The following KIF5B variants were observed in gnomAD, a reference collection of about 807,000 sequenced individuals.
The protein encoded by KIF5B is kinesin-1 heavy chain.
A neutral mutation model predicts 132.8 loss-of-function variants in KIF5B; 49 were observed. That is an observed-to-expected ratio of 0.37 (90% CI 0.29 to 0.47). The LOEUF (loss-of-function observed/expected upper bound fraction) is 0.47, where lower values mean the gene tolerates loss of function less well. KIF5B is among the 20% of genes least tolerant of loss of function. The pLI, the probability that KIF5B is intolerant of heterozygous loss-of-function variation, is 1.00. For synonymous variants in KIF5B, 355 were observed against 369.4 expected, an observed-to-expected ratio of 0.96 and a Z score of 0.45; for missense variants, 780 against 1,144.0, an observed-to-expected ratio of 0.68 and a Z score of 4.59.
At chr10:32,042,551 C>CA (rs980142812) in intron 2 of KIF5B, among the ~76,000 whole-genome samples, 1 of 152,204 alleles carries the variant, frequency 6.6e-6, no homozygotes, top group Non-Finnish European at 1.5e-5. Flanking sequence ...CCTGTCAACT[C>CA]AAAGTCAGGA....
chr10:32,011,532 A>G lies in KIF5B; in HGVS notation c.*21-16T>C, dbSNP rs974174693. ...TTTTTAACACCTAAAAATGGGAGAA[A>G]GCATAGAGTAAATATGTTTAGTTTT... On this transcript the variant is annotated splice_polypyrimidine_tract_variant and intron_variant, in intron 25 of 25. Transcript: ENST00000302418. The G allele has an allele frequency of 6.6e-6, 1 of 152,366 alleles. No homozygotes were observed. The highest frequency in any genetic ancestry group is 2.4e-5 in the African/African-American group (1 of 41,578). 9.4% of individuals were successfully genotyped at this position (152,366 alleles called of 1,614,324 possible).
intron 25 of KIF5B, among the ~76,000 whole-genome samples, chr10:32,013,297 A>C (rs1001579151): frequency 2.0e-5 from 3 of 152,234 alleles, no homozygotes; most frequent in African/African-American, 7.2e-5. Flanking sequence ...TTATCATGAA[A>C]ACCAGCTATT....
chr10:32,035,037 T>A (rs11008741), intron 10 of KIF5B, among the ~76,000 whole-genome samples, 199 bp from the exon 11 acceptor site: 373 of 144,094 alleles, frequency 2.6e-3, no homozygotes, highest in African/African-American at 8.9e-3. Flanking sequence ...TGAATAGCTT[T>A]AAAAAAAAAA....
At chr10:32,035,777 T>A (rs1202805406) in intron 9 of KIF5B, 110 bp from the exon 10 acceptor site, 8 of 1,327,788 alleles carry the variant, frequency 6.0e-6, no homozygotes, top group Non-Finnish European at 8.3e-6. Flanking sequence ...ACACATTGAA[T>A]CTCAATCTCT....
At chr10:32,036,131 C>T (rs913141518) in intron 8 of KIF5B, 137 bp from the exon 9 acceptor site, 1 of 515,746 alleles carries the variant, frequency 1.9e-6, no homozygotes, top group South Asian at 3.6e-5. Flanking sequence ...TCTTATTTGC[C>T]AAGCATACCA....
intron 16 of KIF5B, among the ~76,000 whole-genome samples, chr10:32,022,588 C>G (rs1044696487): frequency 6.6e-6 from 1 of 152,190 alleles, no homozygotes; most frequent in Admixed American, 6.5e-5. Flanking sequence ...TGGTTCCCTG[C>G]AGTTTTGCCC....
chr10:32,050,347 A>G (rs975437467), intron 1 of KIF5B, among the ~76,000 whole-genome samples: 23 of 152,306 alleles, frequency 1.5e-4, no homozygotes, highest in Admixed American at 8.5e-4. Context: ...TAGTCACATG[A>G]CCAAGCTCTG....
chr10:32,022,202 T>G lies in KIF5B; in HGVS notation c.1970A>C (p.Lys657Thr). ...ATCGACAGATTCCTCCAACTGTCTT[T>G]TCTTTTGTTCCACATTTTGAAGGTA... is the stretch of plus-strand genomic sequence containing the variant. ...TEYLQNVEQK[K>T]RQLEESVDAL... The change falls in exon 17 of 26, where the codon AAA (lysine) becomes ACA (threonine). Residue 657 changes from lysine to threonine, a missense_variant. Transcript: ENST00000302418. 6.2e-7 allele frequency: 1 copy of G among 1,613,784 alleles called. No individual in the cohort carries two copies. The highest frequency in any genetic ancestry group is 8.5e-7 in the Non-Finnish European group (1 of 1,179,870).
At chr10:32,017,774 A>G (rs879931272) in intron 23 of KIF5B, among the ~76,000 whole-genome samples, 8 of 152,222 alleles carry the variant, frequency 5.3e-5, no homozygotes, top group Non-Finnish European at 1.2e-4. Flanking sequence ...TGTAGTAGAG[A>G]TTTCAAAATT....
At chr10:32,014,612 A>T (rs936458690) in intron 25 of KIF5B, among the ~76,000 whole-genome samples, 1 of 152,022 alleles carries the variant, frequency 6.6e-6, no homozygotes, top group African/African-American at 2.4e-5. Flanking sequence ...CTAATTTGTG[A>T]CTGTTTTATG....
chr10:32,037,634 T>C (rs1485072100), intron 6 of KIF5B, 27 bp from the exon 7 acceptor site: 1 of 1,517,360 alleles, frequency 6.6e-7, no homozygotes, highest in African/African-American at 1.4e-5. Flanking sequence ...AAAAATATGT[T>C]AATGTCTGGC....
chr10:32,022,363 T>G (rs1401915996), intron 16 of KIF5B, 106 bp from the exon 17 acceptor site: 2 of 626,154 alleles, frequency 3.2e-6, no homozygotes, highest in Non-Finnish European at 5.6e-6. Flanking sequence ...TTTGGGAATA[T>G]TTAAAACTAA....
At chr10:32,037,838 G>C (rs966866947) in intron 6 of KIF5B, among the ~76,000 whole-genome samples, 2 of 151,668 alleles carry the variant, frequency 1.3e-5, no homozygotes, top group Admixed American at 1.3e-4. Context: ...TATATTAAAT[G>C]AATTGGCTCA....
At chr10:32,049,753 G>A (rs1841664308) in intron 1 of KIF5B, among the ~76,000 whole-genome samples, 1 of 151,948 alleles carries the variant, frequency 6.6e-6, no homozygotes, top group Non-Finnish European at 1.5e-5. Context: ...AATCAGTGGT[G>A]TCCATGCAAG....
chr10:32,040,278 CA>C, intron 3 of KIF5B, 105 bp downstream of exon 3: 1 of 739,258 alleles, frequency 1.4e-6, no homozygotes, highest in Non-Finnish European at 2.4e-6. Flanking sequence ...TGAGAAAAGG[CA>C]ATAAAGAGTA....
In KIF5B at chr10:32,021,141, T is replaced by TG. The variant is rs750960739; in HGVS notation, c.2095-11dup. The TG allele has an allele frequency of 2.0e-5, 32 of 1,611,430 alleles. No homozygotes were observed. The Middle Eastern group carries it at 5.0e-4, about 25-fold the overall frequency. The stretch of plus-strand genomic sequence containing the variant: ...GCTGTTCAACAGCTTGCTAAAATTT[T>TG]GGGGGGGAAAAGGATGTTAAAGTCA... On this transcript the variant is annotated splice_polypyrimidine_tract_variant and intron_variant, in intron 18 of 25. Coordinates refer to ENST00000302418, the MANE Select transcript of KIF5B (RefSeq NM_004521.3).
intron 1 of KIF5B, among the ~76,000 whole-genome samples, chr10:32,055,565 G>A (rs973153816): frequency 1.3e-5 from 2 of 151,934 alleles, no homozygotes; most frequent in Admixed American, 6.6e-5. Context: ...CACTGAACTT[G>A]CTGCCCGGAC....
intron 15 of KIF5B, 114 bp from the exon 16 acceptor site, chr10:32,023,150 T>C (rs1592441233): frequency 2.0e-6 from 1 of 496,892 alleles, no homozygotes; most frequent in Non-Finnish European, 3.3e-6. Context: ...TCAATATTCA[T>C]ACAAAGTCTG....
Position 32,031,064 on chromosome 10 carries a change from A to G in KIF5B, c.1581+9T>C. 6.3e-7 allele frequency: 1 copy of G among 1,593,518 alleles called. No individual in the cohort carries two copies. Among genetic ancestry groups the G allele is most frequent in the Non-Finnish European group, 8.6e-7 (1 of 1,163,090 alleles). ...AAGCATTAAAAAAGAAAATAAAACT[A>G]TATCCTACCGATTTCTGATTCAATT... On this transcript the variant is annotated intron_variant, in intron 14 of 25. Coordinates refer to ENST00000302418, the MANE Select transcript of KIF5B (RefSeq NM_004521.3).
Sources: allele counts gnomAD v4.1 joint callset (sites outside exome capture counted in the v4.1 genomes callset), GRCh38; gene constraint gnomAD v4.1.1; transcripts MANE v1.5; gene names NCBI Gene and HGNC (gene_info 2026-07-23, HGNC 2026-07-21).